SMOC1: variants seen among roughly 807,000 people sequenced by gnomAD.
SMOC1 encodes the protein SPARC-related modular calcium-binding protein 1.
In SMOC1, 22 loss-of-function variants were observed where a neutral mutation model predicts 56.3. The ratio of observed to expected loss-of-function variants is 0.39; its 90% CI spans 0.28 to 0.56. The LOEUF (loss-of-function observed/expected upper bound fraction) is 0.56, where lower values mean the gene tolerates loss of function less well. Ranked by LOEUF, SMOC1 falls within the 20% of genes least tolerant of loss-of-function variation. The pLI, the probability that SMOC1 is intolerant of heterozygous loss-of-function variation, is 0.61. For missense variants in SMOC1, 509 were observed against 565.4 expected, an observed-to-expected ratio of 0.90 and a Z score of 1.01; for synonymous variants, 193 against 215.0, an observed-to-expected ratio of 0.90 and a Z score of 0.89.
chr14:69,881,510 T>C (rs1204403049), intron 1 of SMOC1, among the ~76,000 whole-genome samples: 1 of 152,170 alleles, frequency 6.6e-6, no homozygotes, highest in East Asian at 1.9e-4. Context: ...TCAGGCACCG[T>C]GGTTAGGTTC....
At chr14:69,934,442 A>C (rs113221402) in intron 1 of SMOC1, among the ~76,000 whole-genome samples, 2 of 152,146 alleles carry the variant, frequency 1.3e-5, no homozygotes, top group Non-Finnish European at 2.9e-5. Context: ...TCGTCCTGCT[A>C]TGTTAGAGAG....
At chr14:69,927,307 C>T (rs1163237034) in intron 1 of SMOC1, among the ~76,000 whole-genome samples, 2 of 152,146 alleles carry the variant, frequency 1.3e-5, no homozygotes, top group Non-Finnish European at 2.9e-5. Flanking sequence ...TGTGCTGGGG[C>T]CTACAAGTGC....
At chr14:70,006,193 G>T (rs1885142299) in intron 7 of SMOC1, among the ~76,000 whole-genome samples, 1 of 152,184 alleles carries the variant, frequency 6.6e-6, no homozygotes. Flanking sequence ...CTGTGATCTT[G>T]ATCCAATGAC....
At chr14:69,921,226 G>A (rs2125742) in intron 1 of SMOC1, among the ~76,000 whole-genome samples, 165 of 152,294 alleles carry the variant, frequency 1.1e-3, no homozygotes, top group African/African-American at 3.3e-3. Context: ...AGCCCCCAGC[G>A]CCGCAGACTT....
At chr14:69,943,749 G>A (rs1471574291) in intron 1 of SMOC1, among the ~76,000 whole-genome samples, 1 of 152,158 alleles carries the variant, frequency 6.6e-6, no homozygotes, top group Non-Finnish European at 1.5e-5. Flanking sequence ...ACTTGAGCTG[G>A]ACCATGATTT....
chr14:70,012,783 G>C (rs1885385691), intron 9 of SMOC1, among the ~76,000 whole-genome samples: 1 of 152,304 alleles, frequency 6.6e-6, no homozygotes. Context: ...GTGCTTTACT[G>C]TGTTTTCCTG....
At chr14:69,948,232 G>A (rs1164741571) in intron 1 of SMOC1, among the ~76,000 whole-genome samples, 1 of 152,142 alleles carries the variant, frequency 6.6e-6, no homozygotes, top group Admixed American at 6.5e-5. Context: ...CTCACTTTTT[G>A]TGTGTGTGAA....
intron 3 of SMOC1, among the ~76,000 whole-genome samples, chr14:69,967,008 A>G (rs1883600927): frequency 6.6e-6 from 1 of 152,148 alleles, no homozygotes; most frequent in South Asian, 2.1e-4. Flanking sequence ...TCCTTATAGC[A>G]TCCTTCCTCA....
At position 69,946,507 on chromosome 14, in the gene SMOC1, G is replaced by A. The variant is rs899531289; in HGVS notation, c.100-5631G>A. 2.0e-5 allele frequency among the ~76,000 whole-genome samples: 3 copies of A among 152,146 alleles called. No homozygotes were observed. The East Asian group carries it at 5.8e-4, about 29-fold the overall frequency. ...TTAACATTATTATTTTATTTTTAATGTCTTTTGGTTAGGAAGAAGGAAAGG... is the reference window on the plus strand; with the variant it reads ...TTAACATTATTATTTTATTTTTAATATCTTTTGGTTAGGAAGAAGGAAAGG... On this transcript the variant is annotated intron_variant, in intron 1 of 11. Transcript: ENST00000361956.
At chr14:70,004,205 G>T (rs1339772772) in intron 7 of SMOC1, among the ~76,000 whole-genome samples, 1 of 152,138 alleles carries the variant, frequency 6.6e-6, no homozygotes, top group Non-Finnish European at 1.5e-5. Flanking sequence ...ATGGCTTGTG[G>T]CTCTTCTTCA....
chr14:69,937,882 C>G (rs1265968493), intron 1 of SMOC1, among the ~76,000 whole-genome samples: 1 of 152,152 alleles, frequency 6.6e-6, no homozygotes. Flanking sequence ...AGGAAGCACA[C>G]GAGTTAAACA....
intron 1 of SMOC1, among the ~76,000 whole-genome samples, chr14:69,907,930 T>G (rs1884453304): frequency 6.6e-6 from 1 of 152,148 alleles, no homozygotes; most frequent in Non-Finnish European, 1.5e-5. Flanking sequence ...TCTAATGCCA[T>G]TCATGAGGTC....
chr14:69,944,133 C>T (rs1185490680), intron 1 of SMOC1, among the ~76,000 whole-genome samples: 1 of 152,210 alleles, frequency 6.6e-6, no homozygotes, highest in Non-Finnish European at 1.5e-5. Context: ...ATCTTGGTTT[C>T]TGCCCTCAGG....
chr14:69,916,309 C>A (rs1319341392), intron 1 of SMOC1, among the ~76,000 whole-genome samples: 1 of 152,230 alleles, frequency 6.6e-6, no homozygotes, highest in Non-Finnish European at 1.5e-5. Context: ...CCGCTTCTTG[C>A]CACCTCTGCT....
intron 7 of SMOC1, among the ~76,000 whole-genome samples, chr14:70,001,991 T>C (rs138673620): frequency 1.3e-5 from 2 of 152,338 alleles, no homozygotes; most frequent in Non-Finnish European, 2.9e-5. Flanking sequence ...GGAGGAGTGA[T>C]AGGCACTTAC....
chr14:70,007,418 G>A (rs1442281173), intron 7 of SMOC1, among the ~76,000 whole-genome samples: 1 of 152,200 alleles, frequency 6.6e-6, no homozygotes, highest in African/African-American at 2.4e-5. Context: ...CGCTTCTGAG[G>A]CAAAGAGAGA....
At chr14:69,893,177 AT>A (rs1176696457) in intron 1 of SMOC1, among the ~76,000 whole-genome samples, 2 of 152,180 alleles carry the variant, frequency 1.3e-5, no homozygotes, top group Non-Finnish European at 2.9e-5. Context: ...TGATATATAT[AT>A]TTTTAAGTAT....
intron 1 of SMOC1, among the ~76,000 whole-genome samples, chr14:69,916,065 T>G (rs776456054): frequency 6.6e-6 from 1 of 152,248 alleles, no homozygotes; most frequent in Non-Finnish European, 1.5e-5. Flanking sequence ...AACATCTCTA[T>G]GTGGGCGTCT....
At chr14:69,886,279 C>G in intron 1 of SMOC1, 3 of 612,250 alleles carry the variant, frequency 4.9e-6, no homozygotes, top group Non-Finnish European at 8.6e-6. Flanking sequence ...CAAGTTGGCC[C>G]TTTAGCATTT....
Sources: allele counts gnomAD v4.1 joint callset (sites outside exome capture counted in the v4.1 genomes callset), GRCh38; gene constraint gnomAD v4.1.1; transcripts MANE v1.5; gene names NCBI Gene and HGNC (gene_info 2026-07-23, HGNC 2026-07-21).